FGF13: variants seen among roughly 807,000 people sequenced by gnomAD.
FGF13 encodes the protein fibroblast growth factor 13, also known as fibroblast growth factor homologous factor 2.
A neutral mutation model predicts 19.5 loss-of-function variants in FGF13; 2 were observed. That is an observed-to-expected ratio of 0.10 (90% CI 0.04 to 0.32). The LOEUF is 0.32. Among genes scored for constraint, FGF13 ranks in the 10% least tolerant of loss-of-function variants. The pLI is 1.00. For missense variants in FGF13, 113 were observed against 192.7 expected (o/e 0.59, Z 2.45); for synonymous variants, 72 against 76.9 (o/e 0.94, Z 0.33).
intron 1 of FGF13, among the ~76,000 whole-genome samples, chrX:138,971,511 A>C (rs1247769286): frequency 8.9e-6 from 1 of 111,851 alleles, no homozygotes; most frequent in Non-Finnish European, 1.9e-5. Context: ...CTTGTCAGAC[A>C]TATGGTAAAC....
At chrX:139,064,968 T>C (rs1335543913) in intron 1 of FGF13, among the ~76,000 whole-genome samples, 2 of 111,527 alleles carry the variant, frequency 1.8e-5, no homozygotes, top group Non-Finnish European at 3.8e-5. Flanking sequence ...AATTTGGCTA[T>C]TGATACTTGT....
chrX:138,971,114 T>A (rs991039578), intron 1 of FGF13, among the ~76,000 whole-genome samples: 89 of 111,371 alleles, frequency 8.0e-4, no homozygotes, highest in African/African-American at 2.8e-3. Context: ...ACACCAAGGG[T>A]TCCCTGGTGA....
intron 1 of FGF13, among the ~76,000 whole-genome samples, chrX:139,091,834 G>C (rs2083441670): frequency 9.0e-6 from 1 of 110,811 alleles, no homozygotes; most frequent in Admixed American, 9.6e-5. Context: ...AAGGAGAACA[G>C]AGGGGCATAG....
intron 1 of FGF13, among the ~76,000 whole-genome samples, chrX:138,921,994 AAAC>A (rs1208062278): frequency 2.8e-5 from 3 of 108,126 alleles, no homozygotes; most frequent in Admixed American, 2.0e-4. Flanking sequence ...AAAAACAACA[AAAC>A]AACAACAACA....
intron 2 of FGF13, among the ~76,000 whole-genome samples, chrX:138,862,440 C>A (rs964498397): frequency 8.9e-6 from 1 of 111,843 alleles, no homozygotes; most frequent in Non-Finnish European, 1.9e-5. Flanking sequence ...ATTAGTGACT[C>A]CAACAATAAA....
chrX:138,837,302 C>A (rs961832099), intron 3 of FGF13, among the ~76,000 whole-genome samples: 5 of 112,060 alleles, frequency 4.5e-5, no homozygotes, highest in Non-Finnish European at 9.4e-5. Context: ...AGATGGCGGT[C>A]TGCCCCTACC....
intron 3 of FGF13, among the ~76,000 whole-genome samples, chrX:138,749,317 C>G (rs1217608323): frequency 1.3e-5 from 1 of 74,804 alleles, no homozygotes; most frequent in African/African-American, 5.3e-5. Context: ...GGGGAGAGAC[C>G]AAAATACACA....
intron 1 of FGF13, among the ~76,000 whole-genome samples, chrX:139,110,224 T>C (rs1311812287): frequency 2.7e-5 from 3 of 110,463 alleles, no homozygotes; most frequent in African/African-American, 6.6e-5. Context: ...ATAATGTATA[T>C]ATAAATGTAT....
intron 3 of FGF13, among the ~76,000 whole-genome samples, chrX:138,807,271 C>T (rs1227568573): frequency 8.9e-6 from 1 of 111,754 alleles, no homozygotes; most frequent in Non-Finnish European, 1.9e-5. Flanking sequence ...GTTTATGTAA[C>T]TGAAACACTA....
At chrX:139,009,859 T>C (rs12834811) in intron 1 of FGF13, among the ~76,000 whole-genome samples, 4,992 of 111,524 alleles carry the variant, frequency 0.045, 121 homozygotes, top group Middle Eastern at 0.069. Context: ...AAACACAGAA[T>C]GTCAGAATGG....
upstream of FGF13, chrX:139,204,030 A>G: frequency 8.3e-7 from 1 of 1,205,230 alleles, no homozygotes; most frequent in Non-Finnish European, 1.1e-6. Flanking sequence ...AAGGAAAGGA[A>G]AGCAGGCGGA....
At chrX:138,758,950 T>TG (rs2090448751) in intron 3 of FGF13, among the ~76,000 whole-genome samples, 1 of 112,237 alleles carries the variant, frequency 8.9e-6, no homozygotes, top group South Asian at 3.7e-4. Flanking sequence ...AATACAAAAG[T>TG]GCTCACATTC....
chrX:139,052,432 C>T (rs780157471), intron 1 of FGF13, among the ~76,000 whole-genome samples: 2 of 111,076 alleles, frequency 1.8e-5, no homozygotes, highest in Non-Finnish European at 3.8e-5. Context: ...AAATGAGTGC[C>T]CTTTACAGAT....
intron 3 of FGF13, among the ~76,000 whole-genome samples, chrX:138,647,381 T>A (rs1247471717): frequency 8.9e-6 from 1 of 111,798 alleles, no homozygotes. Context: ...TGCTTACATG[T>A]GTAGCTATGT....
chrX:138,675,866 T>A (rs2089659987), intron 3 of FGF13, among the ~76,000 whole-genome samples: 1 of 111,476 alleles, frequency 9.0e-6, no homozygotes, highest in Non-Finnish European at 1.9e-5. Context: ...AAGAATCACA[T>A]ATGATTCCAC....
chrX:139,017,017 A>T (rs1360272535), intron 1 of FGF13, among the ~76,000 whole-genome samples: 1 of 109,830 alleles, frequency 9.1e-6, no homozygotes, highest in Non-Finnish European at 1.9e-5. Context: ...CCTTCAAATG[A>T]CTTAAATAAC....
intron 1 of FGF13, among the ~76,000 whole-genome samples, chrX:139,126,159 T>C (rs185706044): frequency 3.6e-5 from 4 of 112,283 alleles, no homozygotes; most frequent in East Asian, 5.7e-4. Context: ...AGTTGAGTCA[T>C]TGTAACAGAG....
At chrX:139,079,706 G>C (rs981906828) in intron 1 of FGF13, among the ~76,000 whole-genome samples, 7 of 111,344 alleles carry the variant, frequency 6.3e-5, no homozygotes, top group African/African-American at 2.0e-4. Flanking sequence ...ACTTTAACAT[G>C]TAAAGTCTTT....
At chrX:139,196,120 G>A (rs752561895) in intron 1 of FGF13, among the ~76,000 whole-genome samples, 2 of 111,858 alleles carry the variant, frequency 1.8e-5, no homozygotes, top group Non-Finnish European at 3.8e-5. Flanking sequence ...GAAGGGAAAT[G>A]AGACATATGA....
Sources: allele counts gnomAD v4.1 joint callset (sites outside exome capture counted in the v4.1 genomes callset), GRCh38; gene constraint gnomAD v4.1.1; transcripts MANE v1.5; gene names NCBI Gene and HGNC (gene_info 2026-07-23, HGNC 2026-07-21).